DOCK3: variants seen among roughly 807,000 people sequenced by gnomAD.
DOCK3 encodes dedicator of cytokinesis protein 3.
DOCK3 carries 60 observed loss-of-function variants against 265.6 expected under a neutral mutation model. That is an observed-to-expected ratio of 0.23 (90% CI 0.18 to 0.28). The LOEUF is 0.28. DOCK3 is among the 10% of genes least tolerant of loss of function. The pLI is 1.00. For missense variants in DOCK3, 1,981 were observed against 2,594.3 expected (o/e 0.76, Z 5.14); for synonymous variants, 881 against 938.0 (o/e 0.94, Z 1.11).
chr3:51,350,530 T>C (rs2085907300), intron 40 of DOCK3, 138 bp downstream of exon 40: 1 of 916,356 alleles, frequency 1.1e-6, no homozygotes, highest in Non-Finnish European at 1.6e-6. Context: ...CAACAGGCAT[T>C]TGGTTTTATT....
chr3:51,011,909 G>A (rs1437461690), intron 5 of DOCK3, among the ~76,000 whole-genome samples: 4 of 152,108 alleles, frequency 2.6e-5, no homozygotes, highest in Non-Finnish European at 4.4e-5. Flanking sequence ...TGTTTGTCTG[G>A]GTATCAGCAG....
intron 2 of DOCK3, among the ~76,000 whole-genome samples, chr3:50,781,353 G>A (rs1275034487): frequency 7.1e-6 from 1 of 141,308 alleles, no homozygotes; most frequent in Non-Finnish European, 1.5e-5. Flanking sequence ...CTGTAGCCTC[G>A]ACCTCCTTGG....
At chr3:51,117,059 G>A (rs192738557) in intron 9 of DOCK3, among the ~76,000 whole-genome samples, 15 of 152,256 alleles carry the variant, frequency 9.9e-5, no homozygotes, top group East Asian at 3.9e-4. Flanking sequence ...AGGGGAATGC[G>A]TCCAGCTTTT....
intron 1 of DOCK3, among the ~76,000 whole-genome samples, chr3:50,726,609 A>T (rs975195306): frequency 1.1e-4 from 17 of 151,978 alleles, no homozygotes; most frequent in African/African-American, 2.4e-4. Context: ...TATTATTATT[A>T]TTTTTTTTCT....
At chr3:51,301,896 A>G (rs1234549816) in intron 27 of DOCK3, among the ~76,000 whole-genome samples, 1 of 152,184 alleles carries the variant, frequency 6.6e-6, no homozygotes, top group East Asian at 1.9e-4. Flanking sequence ...GCCAAGAAGA[A>G]TGTATATTCT....
chr3:50,678,853 A>G (rs1300509477), intron 1 of DOCK3, among the ~76,000 whole-genome samples: 1 of 151,740 alleles, frequency 6.6e-6, no homozygotes, highest in African/African-American at 2.4e-5. Context: ...TCTGTCGTCC[A>G]GGCTGGAGTG....
chr3:50,967,273 G>A (rs988005859), intron 5 of DOCK3, among the ~76,000 whole-genome samples: 3 of 152,020 alleles, frequency 2.0e-5, no homozygotes, highest in African/African-American at 7.2e-5. Context: ...TGTGATATTT[G>A]TCATTCTGTG....
chr3:51,371,400 A>C (rs999576418), intron 49 of DOCK3, among the ~76,000 whole-genome samples: 2 of 152,232 alleles, frequency 1.3e-5, no homozygotes, highest in African/African-American at 2.4e-5. Context: ...CTAGACCACA[A>C]CTTCCATACC....
chr3:50,820,719 G>A (rs908233489), intron 2 of DOCK3, among the ~76,000 whole-genome samples: 11 of 151,416 alleles, frequency 7.3e-5, no homozygotes, highest in African/African-American at 2.7e-4. Flanking sequence ...GTGGCTTTAA[G>A]TTCTTTGAGA....
chr3:51,292,625 CA>C (rs1168851549), intron 27 of DOCK3, among the ~76,000 whole-genome samples: 1 of 152,052 alleles, frequency 6.6e-6, no homozygotes, highest in Non-Finnish European at 1.5e-5. Flanking sequence ...AAAGAAGTTA[CA>C]AAAACCATCC....
chr3:51,000,864 G>C (rs1243755918), intron 5 of DOCK3, among the ~76,000 whole-genome samples: 1 of 152,202 alleles, frequency 6.6e-6, no homozygotes, highest in Non-Finnish European at 1.5e-5. Context: ...TGTTCGCCAG[G>C]CTGGTCTTGA....
chr3:51,311,391 A>T (rs1405135988), intron 28 of DOCK3, among the ~76,000 whole-genome samples: 1 of 151,502 alleles, frequency 6.6e-6, no homozygotes, highest in East Asian at 1.9e-4. Context: ...TCTCCACTTC[A>T]CTCTCTTGTT....
At chr3:51,371,817 A>G (rs947899931) in intron 49 of DOCK3, among the ~76,000 whole-genome samples, 3 of 152,218 alleles carry the variant, frequency 2.0e-5, no homozygotes, top group Non-Finnish European at 4.4e-5. Flanking sequence ...ACGGATCAGG[A>G]TATTGAGTAT....
At chr3:50,753,290 A>G (rs2039951100) in intron 1 of DOCK3, among the ~76,000 whole-genome samples, 1 of 152,158 alleles carries the variant, frequency 6.6e-6, no homozygotes, top group Non-Finnish European at 1.5e-5. Flanking sequence ...TATCTGTAGA[A>G]ATACCTTTTC....
intron 6 of DOCK3, among the ~76,000 whole-genome samples, chr3:51,071,890 C>A (rs1191287528): frequency 6.6e-6 from 1 of 152,114 alleles, no homozygotes; most frequent in Non-Finnish European, 1.5e-5. Context: ...ACATCTCTGC[C>A]TTTTTCAAAT....
chr3:50,885,216 T>C (rs1301843280), intron 3 of DOCK3, among the ~76,000 whole-genome samples: 1 of 152,238 alleles, frequency 6.6e-6, no homozygotes. Flanking sequence ...TTTTTGTGGC[T>C]TTGTAGCTCA....
intron 1 of DOCK3, among the ~76,000 whole-genome samples, chr3:50,766,356 A>C (rs2040876817): frequency 7.1e-6 from 1 of 141,658 alleles, no homozygotes; most frequent in African/African-American, 2.7e-5. Context: ...CCCACCTATG[A>C]GTGAGAACAT....
chr3:50,977,936 C>G (rs1234174462), intron 5 of DOCK3, among the ~76,000 whole-genome samples: 2 of 152,088 alleles, frequency 1.3e-5, no homozygotes, highest in Non-Finnish European at 2.9e-5. Context: ...TTGATCGCAT[C>G]GGCTCCTGAG....
At chr3:51,169,837 C>T (rs540448232) in intron 12 of DOCK3, among the ~76,000 whole-genome samples, 6 of 151,954 alleles carry the variant, frequency 3.9e-5, no homozygotes, top group African/African-American at 1.4e-4. Context: ...GTTTAACCAT[C>T]GTGCTATCCC....
Sources: gnomAD v4.1 joint callset for allele counts (sites outside exome capture counted in the v4.1 genomes callset) on GRCh38, gnomAD v4.1.1 for gene constraint, MANE v1.5 for transcripts, NCBI Gene and HGNC (gene_info 2026-07-23, HGNC 2026-07-21) for gene names.